BCAS3: variants seen among roughly 807,000 people sequenced by gnomAD.
BCAS3 encodes BCAS4/BCAS3 fusion.
BCAS3 carries 53 observed loss-of-function variants against 116.1 expected under a neutral mutation model. The observed-to-expected ratio is 0.46, with a 90% CI of 0.37 to 0.57. The LOEUF (loss-of-function observed/expected upper bound fraction) is 0.57. Among genes scored for constraint, BCAS3 ranks in the 20% least tolerant of loss-of-function variants. The probability of loss-of-function intolerance (pLI) is 0.00; values close to 1 mark genes in which losing one functional copy is unlikely to be tolerated. For synonymous variants in BCAS3, 391 were observed against 408.2 expected, an observed-to-expected ratio of 0.96 and a Z score of 0.51; for missense variants, 917 against 1,165.4, an observed-to-expected ratio of 0.79 and a Z score of 3.10.
At chr17:61,296,278 A>C (rs2052898892) in intron 22 of BCAS3, among the ~76,000 whole-genome samples, 1 of 152,168 alleles carries the variant, frequency 6.6e-6, no homozygotes. Context: ...AGTTAGCCCT[A>C]ATGACAATTT....
chr17:61,310,402 A>G (rs913534088), intron 22 of BCAS3, among the ~76,000 whole-genome samples: 3 of 152,068 alleles, frequency 2.0e-5, no homozygotes, highest in African/African-American at 7.2e-5. Flanking sequence ...AAAAATACAA[A>G]AATTAGCCAG....
chr17:61,148,196 GTAT>G (rs1317350168), intron 22 of BCAS3, among the ~76,000 whole-genome samples: 1 of 152,086 alleles, frequency 6.6e-6, no homozygotes. Flanking sequence ...AGAAGTTTTT[GTAT>G]TATTTCCAGA....
At chr17:60,761,355 C>T (rs760449643) in intron 6 of BCAS3, among the ~76,000 whole-genome samples, 16 of 151,950 alleles carry the variant, frequency 1.1e-4, no homozygotes, top group African/African-American at 2.7e-4. Context: ...AATGCTCTCC[C>T]GCCCCCATGC....
chr17:60,688,156 G>A (rs1327427604), intron 3 of BCAS3: 1 of 152,204 alleles, frequency 6.6e-6, no homozygotes, highest in Non-Finnish European at 1.5e-5. Flanking sequence ...TAGCATCCTG[G>A]TTTGGATCCT....
chr17:60,701,213 C>T (rs1341013176), intron 4 of BCAS3, among the ~76,000 whole-genome samples: 1 of 151,720 alleles, frequency 6.6e-6, no homozygotes, highest in Non-Finnish European at 1.5e-5. Flanking sequence ...CACTGCACTC[C>T]AGCCTGGGTG....
chr17:61,287,129 T>C (rs1459890784), intron 22 of BCAS3, among the ~76,000 whole-genome samples: 1 of 151,614 alleles, frequency 6.6e-6, no homozygotes, highest in Admixed American at 6.6e-5. Context: ...GCACCTGTAG[T>C]CTTAGCTACT....
intron 22 of BCAS3, among the ~76,000 whole-genome samples, chr17:61,192,815 T>C (rs2080227094): frequency 6.6e-6 from 1 of 152,180 alleles, no homozygotes; most frequent in African/African-American, 2.4e-5. Flanking sequence ...GATAATAGAA[T>C]AGCAATACCT....
intron 6 of BCAS3, among the ~76,000 whole-genome samples, chr17:60,761,740 T>C (rs113668909): frequency 0.24 from 34,804 of 144,834 alleles, 9,185 homozygotes; most frequent in African/African-American, 0.69. Flanking sequence ...ATTGCTGGGC[T>C]AAATGGTATT....
At chr17:60,699,879 AAAG>A (rs1316005534) in intron 4 of BCAS3, among the ~76,000 whole-genome samples, 3 of 149,820 alleles carry the variant, frequency 2.0e-5, no homozygotes, top group East Asian at 1.9e-4. Context: ...AAAAAAAAAA[AAAG>A]AGCAGTTTTG....
At chr17:60,951,911 A>G (rs1176396002) in intron 14 of BCAS3, among the ~76,000 whole-genome samples, 1 of 151,700 alleles carries the variant, frequency 6.6e-6, no homozygotes, top group African/African-American at 2.4e-5. Context: ...AGCTGGGACT[A>G]TAGGCACCCG....
chr17:60,767,340 C>CTTTTTTT (rs779804407), intron 6 of BCAS3, among the ~76,000 whole-genome samples: 2 of 116,424 alleles, frequency 1.7e-5, no homozygotes, highest in Admixed American at 8.7e-5. Context: ...CTCAGAAGTC[C>CTTTTTTT]TTTTTTTTTT....
chr17:60,788,799 A>T (rs956184977), intron 6 of BCAS3, among the ~76,000 whole-genome samples: 2 of 152,194 alleles, frequency 1.3e-5, no homozygotes, highest in Non-Finnish European at 2.9e-5. Flanking sequence ...ATGATTATTT[A>T]TAGAAAATTT....
In BCAS3 at chr17:60,962,195, A is replaced by G. The variant is rs1249295766; in HGVS notation, c.1221+14843A>G. Among the ~76,000 whole-genome samples, 1 of 152,174 alleles carries G rather than the reference A, an allele frequency of 6.6e-6. No homozygotes were observed. Among genetic ancestry groups the G allele is most frequent in the African/African-American group, 2.4e-5 (1 of 41,442 alleles). ...CATTGATTTTCTTTCTTTTGGCTAT[A>G]TACCTGGTAGCAGAATTGCTGGATC... On this transcript the variant is annotated intron_variant, in intron 14 of 23. Coordinates refer to ENST00000407086, the MANE Select transcript of BCAS3 (RefSeq NM_017679.5). This position sits in a 1 kb window ranked among gnomAD's most constrained non-coding sequence, Gnocchi z 4.4.
At chr17:60,705,919 C>T (rs1289583000) in intron 4 of BCAS3, among the ~76,000 whole-genome samples, 5 of 152,232 alleles carry the variant, frequency 3.3e-5, no homozygotes, top group East Asian at 3.9e-4. Context: ...AGTATATTTC[C>T]ATAAAGTTAT....
chr17:61,204,887 A>C lies in BCAS3; in HGVS notation c.2425+120323A>C, dbSNP rs1415160524. On this transcript the variant is annotated intron_variant, in intron 22 of 23. Coordinates refer to ENST00000407086, the MANE Select transcript of BCAS3 (RefSeq NM_017679.5). This position sits in a 1 kb window ranked among gnomAD's most constrained non-coding sequence, Gnocchi z 4.2. ...GGCAACAGGGCAAAACACCTTCTCA[A>C]CAAAAAATATAGAAATTAGCCTGGC... Among the ~76,000 whole-genome samples the C allele has an allele frequency of 6.6e-6, 1 of 152,152 alleles. No homozygotes were observed. The highest frequency in any genetic ancestry group is 2.4e-5 in the African/African-American group (1 of 41,436).
At chr17:61,254,725 C>T (rs1225625206) in intron 22 of BCAS3, among the ~76,000 whole-genome samples, 2 of 140,012 alleles carry the variant, frequency 1.4e-5, no homozygotes, top group Non-Finnish European at 3.0e-5. Context: ...TGCAGTGAGC[C>T]GAGATTGCGC....
chr17:61,142,810 G>T (rs545152900), intron 22 of BCAS3, among the ~76,000 whole-genome samples: 44 of 152,240 alleles, frequency 2.9e-4, no homozygotes, highest in African/African-American at 1.1e-3. Flanking sequence ...TATGATGGAT[G>T]CATGGGTTTT....
rs906286974 is a variant in BCAS3, at chr17:61,056,145, T to C, written c.2029+15253T>C. Among the ~76,000 whole-genome samples, 1 of 152,220 alleles carries C rather than the reference T, an allele frequency of 6.6e-6. No homozygotes were observed. Among genetic ancestry groups the C allele is most frequent in the African/African-American group, 2.4e-5 (1 of 41,474 alleles). ...CCAGAAAGCTTTGCGTATGTACTTG[T>C]TCTGTCTCCAGCTCCAAGTGTATAG... On this transcript the variant is annotated intron_variant, in intron 19 of 23. Coordinates refer to ENST00000407086, the MANE Select transcript of BCAS3 (RefSeq NM_017679.5). This position sits in a 1 kb window ranked among gnomAD's most constrained non-coding sequence, Gnocchi z 4.9.
intron 9 of BCAS3, among the ~76,000 whole-genome samples, chr17:60,876,440 G>T: frequency 6.6e-6 from 1 of 151,696 alleles, no homozygotes; most frequent in East Asian, 1.9e-4. Flanking sequence ...ATTCTTATAT[G>T]AAATCTTTCT....
Sources: allele counts gnomAD v4.1 joint callset (sites outside exome capture counted in the v4.1 genomes callset), GRCh38; gene constraint gnomAD v4.1.1; non-coding constraint Gnocchi (gnomAD v3.1); transcripts MANE v1.5; gene names NCBI Gene and HGNC (gene_info 2026-07-23, HGNC 2026-07-21).